The following INVS variants were observed in gnomAD, a reference collection of about 807,000 sequenced individuals.
The protein encoded by INVS is inversin, also known as inversion of embryo turning homolog.
INVS carries 86 observed loss-of-function variants against 108.8 expected under a neutral mutation model. The observed-to-expected ratio is 0.79, with a 90% CI of 0.66 to 0.95. The LOEUF (loss-of-function observed/expected upper bound fraction) is 0.95, where lower values mean the gene tolerates loss of function less well. INVS is among the 40% of genes least tolerant of loss of function. The pLI, the probability that INVS is intolerant of heterozygous loss-of-function variation, is 0.00. For missense variants in INVS, 1,169 were observed against 1,297.4 expected (o/e 0.90, Z 1.52); for synonymous variants, 455 against 473.5 (o/e 0.96, Z 0.51).
intron 3 of INVS, among the ~76,000 whole-genome samples, chr9:100,205,098 C>T (rs1478741561): frequency 5.9e-5 from 9 of 152,078 alleles, no homozygotes; most frequent in Non-Finnish European, 1.3e-4. Flanking sequence ...AAAGTCTGTG[C>T]ATAGTTTTTA....
At chr9:100,195,725 T>A (rs35747546) in intron 3 of INVS, among the ~76,000 whole-genome samples, 1,647 of 152,162 alleles carry the variant, frequency 0.011, 16 homozygotes, top group African/African-American at 0.016. Flanking sequence ...TAACCTCAAG[T>A]GATCTGCCCT....
chr9:100,182,673 A>G (rs1210166655), intron 3 of INVS, among the ~76,000 whole-genome samples: 1 of 152,196 alleles, frequency 6.6e-6, no homozygotes, highest in Non-Finnish European at 1.5e-5. Flanking sequence ...ATGCTTTTAC[A>G]CTATTGGTGG....
intron 10 of INVS, among the ~76,000 whole-genome samples, chr9:100,253,462 C>T (rs901092088): frequency 3.3e-5 from 5 of 151,356 alleles, no homozygotes; most frequent in Admixed American, 2.0e-4. Flanking sequence ...ATGTGCACAA[C>T]GTGCAAGTTT....
chr9:100,100,929 A>ATATATATTATATATG (rs1826934010), intron 1 of INVS, among the ~76,000 whole-genome samples: 1 of 24,332 alleles, frequency 4.1e-5, no homozygotes, highest in African/African-American at 2.6e-4. Flanking sequence ...TATATATATA[A>ATATATATTATATATG]TATATATAAT....
chr9:100,196,803 T>G (rs1830388939), intron 3 of INVS, among the ~76,000 whole-genome samples: 1 of 151,934 alleles, frequency 6.6e-6, no homozygotes, highest in Non-Finnish European at 1.5e-5. Flanking sequence ...AACCACTGCT[T>G]TAGCTGCAAC....
intron 3 of INVS, among the ~76,000 whole-genome samples, chr9:100,198,493 G>T (rs1396416373): frequency 6.6e-6 from 1 of 151,194 alleles, no homozygotes; most frequent in Non-Finnish European, 1.5e-5. Flanking sequence ...GTTTCTCCAT[G>T]TTGGTCAGGC....
At chr9:100,126,787 G>A (rs1168014155) in intron 3 of INVS, among the ~76,000 whole-genome samples, 1 of 151,748 alleles carries the variant, frequency 6.6e-6, no homozygotes, top group Admixed American at 6.6e-5. Flanking sequence ...AAGTTTATTG[G>A]GAAAAAAGTG....
chr9:100,100,802 T>TA (rs1564111813), intron 1 of INVS, among the ~76,000 whole-genome samples: 2 of 4,948 alleles, frequency 4.0e-4, no homozygotes, highest in Non-Finnish European at 7.3e-4. Flanking sequence ...ATATAATATA[T>TA]GTATATATAA....
intron 5 of INVS, among the ~76,000 whole-genome samples, chr9:100,232,244 G>T (rs1483821506): frequency 6.6e-6 from 1 of 151,898 alleles, no homozygotes; most frequent in African/African-American, 2.4e-5. Context: ...GTAGATTCTG[G>T]ATATTAGCCC....
intron 3 of INVS, among the ~76,000 whole-genome samples, chr9:100,176,524 T>C (rs750927031): frequency 6.6e-6 from 1 of 152,172 alleles, no homozygotes; most frequent in Non-Finnish European, 1.5e-5. Flanking sequence ...CTGCCTGGGC[T>C]AGAGTGCAGT....
chr9:100,248,626 T>C (rs1460458137), intron 8 of INVS, among the ~76,000 whole-genome samples: 1 of 152,188 alleles, frequency 6.6e-6, no homozygotes, highest in Non-Finnish European at 1.5e-5. Flanking sequence ...TCTATTAGTA[T>C]TTTTTAGGCG....
intron 3 of INVS, among the ~76,000 whole-genome samples, chr9:100,218,373 G>A (rs186678572): frequency 5.3e-5 from 8 of 152,252 alleles, no homozygotes; most frequent in South Asian, 2.1e-4. Flanking sequence ...TACTCCAGTG[G>A]GGAGAAGGGC....
rs955935628 is a variant in INVS, at chr9:100,131,947, T to G, written c.273+5398T>G. 1.0e-5 allele frequency: 10 copies of G among 966,090 alleles called. No individual in the cohort carries two copies. In the African/African-American group the frequency reaches 1.6e-4, roughly 15 times the overall value. 59.8% of individuals were successfully genotyped at this position (966,090 alleles called of 1,614,324 possible). Reference sequence around the variant, plus strand: ...ACCTCTGAAACTTTTCAGGAACACTTATACCAGGTAACACTATTAGGTTTT... The same window carrying G: ...ACCTCTGAAACTTTTCAGGAACACTGATACCAGGTAACACTATTAGGTTTT... On this transcript the variant is annotated intron_variant, in intron 3 of 16. Coordinates refer to ENST00000262457, the MANE Select transcript of INVS (RefSeq NM_014425.5).
chr9:100,141,033 GGA>G (rs961774804), intron 3 of INVS, among the ~76,000 whole-genome samples: 13 of 152,176 alleles, frequency 8.5e-5, no homozygotes, highest in African/African-American at 2.4e-4. Context: ...GATAGCTCCA[GGA>G]GATATCAGCT....
At chr9:100,277,380 C>T (rs1833145831) in intron 12 of INVS, among the ~76,000 whole-genome samples, 1 of 152,224 alleles carries the variant, frequency 6.6e-6, no homozygotes, top group Non-Finnish European at 1.5e-5. Context: ...GACTCATCTG[C>T]TCACAAAGTC....
chr9:100,298,792 T>C (rs184181223), intron 16 of INVS, among the ~76,000 whole-genome samples: 40 of 152,266 alleles, frequency 2.6e-4, no homozygotes, highest in African/African-American at 8.7e-4. Context: ...GGACAACTCA[T>C]GTAATACAGA....
intron 3 of INVS, among the ~76,000 whole-genome samples, chr9:100,223,951 A>G (rs1415267179): frequency 6.6e-6 from 1 of 152,206 alleles, no homozygotes; most frequent in Non-Finnish European, 1.5e-5. Context: ...AGGGATGTCC[A>G]ATCTTTTGGC....
chr9:100,168,177 A>G (rs1677211426), intron 3 of INVS, among the ~76,000 whole-genome samples: 1 of 152,126 alleles, frequency 6.6e-6, no homozygotes, highest in Non-Finnish European at 1.5e-5. Context: ...TGTATTGACA[A>G]ATGGCAGTCA....
chr9:100,189,233 A>G (rs897114501), intron 3 of INVS, among the ~76,000 whole-genome samples: 11 of 146,784 alleles, frequency 7.5e-5, no homozygotes, highest in African/African-American at 2.8e-4. Context: ...TTTCAATTTC[A>G]TTTGATTCTG....
Sources: allele counts gnomAD v4.1 joint callset (sites outside exome capture counted in the v4.1 genomes callset), GRCh38; gene constraint gnomAD v4.1.1; transcripts MANE v1.5; gene names NCBI Gene and HGNC (gene_info 2026-07-23, HGNC 2026-07-21).